The following VWC2L variants were observed in gnomAD, a reference collection of about 807,000 sequenced individuals.
VWC2L encodes von Willebrand factor C domain-containing protein 2-like.
Under a neutral mutation model 21.6 loss-of-function variants are expected in VWC2L, and 10 were observed. The observed-to-expected ratio is 0.46, with a 90% confidence interval of 0.29 to 0.78. VWC2L has a LOEUF of 0.78. Ranked by LOEUF, VWC2L falls within the 30% of genes least tolerant of loss-of-function variation. VWC2L has a pLI of 0.10. For synonymous variants in VWC2L, 96 were observed against 94.3 expected, an observed-to-expected ratio of 1.02 and a Z score of -0.10; for missense variants, 209 against 277.1, an observed-to-expected ratio of 0.75 and a Z score of 1.74.
At position 214,525,497 on chromosome 2, in the gene VWC2L, A is replaced by C. The variant is rs557922139; in HGVS notation, c.521-50175A>C. Among the ~76,000 whole-genome samples, 5 of 152,322 alleles carry C rather than the reference A, an allele frequency of 3.3e-5. No individual in the cohort carries two copies. In the East Asian group the frequency reaches 9.6e-4, roughly 29 times the overall value. The stretch of plus-strand genomic sequence containing the variant: ...TGAAAGTGATTTTTCAAAATTCTTT[A>C]GTATATGAATGTGCACCGCACTTCC... On this transcript the variant is annotated intron_variant, in intron 3 of 3. Coordinates refer to ENST00000312504, the MANE Select transcript of VWC2L (RefSeq NM_001080500.4).
chr2:214,463,721 G>T (rs374652782), intron 3 of VWC2L, among the ~76,000 whole-genome samples: 1 of 151,952 alleles, frequency 6.6e-6, no homozygotes, highest in Non-Finnish European at 1.5e-5. Flanking sequence ...TTTAGTAGTT[G>T]CTTTGAAGTT....
intron 3 of VWC2L, among the ~76,000 whole-genome samples, chr2:214,568,275 G>A (rs1402682352): frequency 1.3e-5 from 2 of 152,090 alleles, no homozygotes; most frequent in African/African-American, 4.8e-5. Context: ...GACTTGAAAT[G>A]GTCCTGTTAA....
At chr2:214,506,494 G>C (rs568845743) in intron 3 of VWC2L, among the ~76,000 whole-genome samples, 93 of 152,252 alleles carry the variant, frequency 6.1e-4, no homozygotes, top group African/African-American at 2.0e-3. Flanking sequence ...TATGGTTTCT[G>C]TTGGGACTAC....
At chr2:214,490,299 T>C (rs75720318) in intron 3 of VWC2L, among the ~76,000 whole-genome samples, 3,508 of 152,010 alleles carry the variant, frequency 0.023, 85 homozygotes, top group African/African-American at 0.056. Context: ...GCTTTAGGAA[T>C]AGACACATTT....
At chr2:214,574,327 T>C (rs1409266388) in intron 3 of VWC2L, among the ~76,000 whole-genome samples, 1 of 152,186 alleles carries the variant, frequency 6.6e-6, no homozygotes, top group East Asian at 1.9e-4. Context: ...CCACCACTGG[T>C]AAGTGTATGC....
intron 3 of VWC2L, among the ~76,000 whole-genome samples, chr2:214,524,720 A>G (rs1689300174): frequency 6.6e-6 from 1 of 152,136 alleles, no homozygotes; most frequent in African/African-American, 2.4e-5. Flanking sequence ...TGCCGCATCA[A>G]TGCCCCAGTT....
intron 3 of VWC2L, among the ~76,000 whole-genome samples, chr2:214,481,789 C>T (rs1165654333): frequency 6.6e-6 from 1 of 152,126 alleles, no homozygotes; most frequent in African/African-American, 2.4e-5. Flanking sequence ...GCATTGATCC[C>T]ATCAAGTTTG....
intron 3 of VWC2L, among the ~76,000 whole-genome samples, chr2:214,574,877 GA>G (rs979783996): frequency 1.3e-5 from 2 of 151,808 alleles, no homozygotes; most frequent in Non-Finnish European, 2.9e-5. Context: ...AAAAAGGAGG[GA>G]AAGACAGAAA....
At chr2:214,496,872 T>C (rs887654974) in intron 3 of VWC2L, among the ~76,000 whole-genome samples, 1 of 152,200 alleles carries the variant, frequency 6.6e-6, no homozygotes, top group Non-Finnish European at 1.5e-5. Context: ...GGCTTCTAAT[T>C]AATCAGAAAT....
chr2:214,482,503 ATG>A (rs1203358318), intron 3 of VWC2L, among the ~76,000 whole-genome samples: 1 of 150,988 alleles, frequency 6.6e-6, no homozygotes, highest in Non-Finnish European at 1.5e-5. Flanking sequence ...ATGTATATAT[ATG>A]TGTGTATGTA....
At chr2:214,540,671 T>A (rs1689612465) in intron 3 of VWC2L, among the ~76,000 whole-genome samples, 1 of 152,170 alleles carries the variant, frequency 6.6e-6, no homozygotes, top group African/African-American at 2.4e-5. Flanking sequence ...GCAGACCTCA[T>A]CTGAATTAGA....
intron 3 of VWC2L, among the ~76,000 whole-genome samples, chr2:214,535,237 T>C (rs1689507406): frequency 6.6e-6 from 1 of 152,108 alleles, no homozygotes; most frequent in East Asian, 1.9e-4. Context: ...TCCTATAATG[T>C]TTTCTCAAAG....
At chr2:214,553,240 C>T (rs750066671) in intron 3 of VWC2L, among the ~76,000 whole-genome samples, 8 of 152,242 alleles carry the variant, frequency 5.3e-5, no homozygotes, top group Non-Finnish European at 8.8e-5. Flanking sequence ...AACAGTCGAA[C>T]TCTGTAAGAT....
At chr2:214,540,657 G>A (rs554387532) in intron 3 of VWC2L, among the ~76,000 whole-genome samples, 1 of 152,304 alleles carries the variant, frequency 6.6e-6, no homozygotes, top group South Asian at 2.1e-4. Flanking sequence ...TACATGAGAA[G>A]AATGCAGACC....
chr2:214,575,779 C>A lies in VWC2L; in HGVS notation c.628C>A (p.Gln210Lys), dbSNP rs762003487. 5.4e-5 allele frequency: 87 copies of A among 1,613,376 alleles called. No individual in the cohort carries two copies. Among genetic ancestry groups the A allele is most frequent in the Non-Finnish European group, 7.2e-5 (85 of 1,179,514 alleles). ...CAACGGGGACTGGTGGAAGCCTGCT[C>A]AGTGTTCGAAACGTGAATGCCAAGG... is the stretch of plus-strand genomic sequence containing the variant. ...CHNGDWWKPA[Q>K]CSKRECQGKQ... is the part of the protein sequence containing the mutation. Residue 210 changes from glutamine (Q) to lysine (K), a missense_variant, in exon 4 of 4, where the codon CAG becomes AAG. By Grantham distance (53) the Gln-to-Lys change is moderately conservative (BLOSUM62 1). Coordinates refer to ENST00000312504, the MANE Select transcript of VWC2L (RefSeq NM_001080500.4).
chr2:214,529,522 A>C (rs552149641), intron 3 of VWC2L, among the ~76,000 whole-genome samples: 1 of 152,234 alleles, frequency 6.6e-6, no homozygotes, highest in African/African-American at 2.4e-5. Context: ...GTTTCTTCTT[A>C]CAAGCACTCA....
chr2:214,412,885 A>G (rs1702299297), intron 1 of VWC2L, among the ~76,000 whole-genome samples: 1 of 152,106 alleles, frequency 6.6e-6, no homozygotes, highest in South Asian at 2.1e-4. Flanking sequence ...TCTTAGTGTT[A>G]TTGGCATGAA....
intron 3 of VWC2L, among the ~76,000 whole-genome samples, chr2:214,499,431 T>C (rs1234008471): frequency 6.8e-6 from 1 of 147,792 alleles, no homozygotes; most frequent in Non-Finnish European, 1.5e-5. Flanking sequence ...ACAGACATAT[T>C]ATTTTAACAG....
At chr2:214,492,702 T>A (rs564160421) in intron 3 of VWC2L, among the ~76,000 whole-genome samples, 42 of 152,360 alleles carry the variant, frequency 2.8e-4, no homozygotes, top group African/African-American at 1.0e-3. Flanking sequence ...CTACTATGAA[T>A]CACTAACTTT....
Sources: allele counts gnomAD v4.1 joint callset (sites outside exome capture counted in the v4.1 genomes callset), GRCh38; gene constraint gnomAD v4.1.1; transcripts MANE v1.5; gene names NCBI Gene and HGNC (gene_info 2026-07-23, HGNC 2026-07-21).